The following MEIOSIN variants were observed in gnomAD, a reference collection of about 807,000 sequenced individuals.
MEIOSIN encodes meiosis initiator protein.
MEIOSIN carries 18 observed loss-of-function variants against 23.4 expected under a neutral mutation model. That is an observed-to-expected ratio of 0.77 (90% CI 0.53 to 1.14). MEIOSIN has a LOEUF of 1.14. Among genes scored for constraint, MEIOSIN ranks in the 50% most tolerant of loss-of-function variants. MEIOSIN has a pLI of 0.00. For missense variants in MEIOSIN, 428 were observed against 242.9 expected, an observed-to-expected ratio of 1.76 and a Z score of -5.07; for synonymous variants, 187 against 100.6, an observed-to-expected ratio of 1.86 and a Z score of -5.14.
At chr19:45,750,466 TCTC>T (rs1223245838) in intron 4 of MEIOSIN, among the ~76,000 whole-genome samples, 156 of 151,496 alleles carry the variant, frequency 1.0e-3, no homozygotes, top group African/African-American at 3.6e-3. Context: ...TTCAAGCAAT[TCTC>T]CTGCCTCAGC....
intron 3 of MEIOSIN, among the ~76,000 whole-genome samples, chr19:45,742,922 G>A (rs1271010248): frequency 3.3e-5 from 5 of 152,182 alleles, no homozygotes; most frequent in African/African-American, 1.2e-4. Flanking sequence ...GACTGGAGCT[G>A]ACCTGTTCCC....
intron 8 of MEIOSIN, among the ~76,000 whole-genome samples, chr19:45,756,656 T>C (rs1038704599): frequency 4.6e-5 from 7 of 152,052 alleles, no homozygotes; most frequent in Admixed American, 4.6e-4. Flanking sequence ...ACTCGTAGGC[T>C]CAAGCAATCC....
At chr19:45,756,160 C>T (rs980645337) in intron 8 of MEIOSIN, 82 bp downstream of exon 8, 2 of 675,876 alleles carry the variant, frequency 3.0e-6, no homozygotes, top group East Asian at 2.7e-5. Context: ...GAAGACAGGC[C>T]AAGTCACGTC....
At chr19:45,736,718 A>C (rs1280103760) in intron 2 of MEIOSIN, among the ~76,000 whole-genome samples, 2 of 147,654 alleles carry the variant, frequency 1.4e-5, no homozygotes. Flanking sequence ...ACAGGCGCCC[A>C]CCACCATGCC....
chr19:45,751,435 G>T (rs1041919049), intron 5 of MEIOSIN, among the ~76,000 whole-genome samples: 2 of 151,876 alleles, frequency 1.3e-5, no homozygotes, highest in South Asian at 4.2e-4. Context: ...TCTCATCCCT[G>T]CCTTCCTAGT....
In MEIOSIN at chr19:45,754,729, G is replaced by C. The variant is rs569914171; in HGVS notation, c.802+5G>C. On this transcript the variant is annotated splice_donor_5th_base_variant and intron_variant, in intron 7 of 14. Transcript: ENST00000457052. ...CCATCCACTGTGACATCTCAAGTGG[G>C]TCTCTTTCCTCACTCTGAACTTAGT... The C allele has an allele frequency of 2.8e-6, 2 of 702,934 alleles. No homozygotes were observed. The highest frequency in any genetic ancestry group is 2.7e-5 in the East Asian group (1 of 37,288). The allele number at this position is 702,934 out of a possible 1,614,324, so 43.5% of individuals were successfully genotyped here. A position where few individuals can be genotyped will look rare whatever the true frequency, so the allele number is the denominator to read the frequency against.
At chr19:45,760,924 CAA>C (rs567608929) in intron 11 of MEIOSIN, among the ~76,000 whole-genome samples, 13 of 91,172 alleles carry the variant, frequency 1.4e-4, no homozygotes, top group Admixed American at 3.1e-4. Context: ...GACTCCGTCT[CAA>C]AAAAAAAAAA....
chr19:45,747,619 G>A (rs186745807), intron 4 of MEIOSIN, among the ~76,000 whole-genome samples: 2 of 152,294 alleles, frequency 1.3e-5, no homozygotes, highest in East Asian at 3.9e-4. Context: ...AGCGTTCCAG[G>A]TGTCAGACCT....
At chr19:45,738,014 CAA>C (rs1968438112) in intron 2 of MEIOSIN, among the ~76,000 whole-genome samples, 1 of 152,060 alleles carries the variant, frequency 6.6e-6, no homozygotes, top group African/African-American at 2.4e-5. Flanking sequence ...CCTCAGCCTC[CAA>C]AAGTGCTGGG....
intron 10 of MEIOSIN, 59 bp downstream of exon 10, chr19:45,759,092 C>G: frequency 1.4e-6 from 1 of 700,186 alleles, no homozygotes; most frequent in Non-Finnish European, 2.6e-6. Flanking sequence ...GGTGCCCAGG[C>G]CTGCGCTGGG....
At chr19:45,756,505 C>A (rs960639166) in intron 8 of MEIOSIN, among the ~76,000 whole-genome samples, 3 of 152,300 alleles carry the variant, frequency 2.0e-5, no homozygotes, top group Non-Finnish European at 2.9e-5. Context: ...GCCGCCTCAA[C>A]CTTCAGGGCT....
chr19:45,755,354 T>C (rs1255675229), intron 7 of MEIOSIN, among the ~76,000 whole-genome samples: 1 of 152,142 alleles, frequency 6.6e-6, no homozygotes. Context: ...TTTGCCATAT[T>C]GACCAGGCTG....
At chr19:45,749,684 AAAAAAAAGCGCAAAAAAAAAAAAC>A (rs1211015925) in intron 4 of MEIOSIN, among the ~76,000 whole-genome samples, 1 of 147,840 alleles carries the variant, frequency 6.8e-6, no homozygotes, top group Non-Finnish European at 1.5e-5. Flanking sequence ...AAAAAAAAAA[AAAAAAAAGCGCAAAAAAAAAAAAC>A]AAAAAAAGAC....
At chr19:45,755,896 C>T in intron 7 of MEIOSIN, 74 bp from the exon 8 acceptor site, 1 of 667,116 alleles carries the variant, frequency 1.5e-6, no homozygotes, top group Non-Finnish European at 2.7e-6. Context: ...GCTGGCACCC[C>T]TTTGTCCCCT....
At chr19:45,737,903 C>T (rs1352536968) in intron 2 of MEIOSIN, among the ~76,000 whole-genome samples, 1 of 149,448 alleles carries the variant, frequency 6.7e-6, no homozygotes, top group Non-Finnish European at 1.5e-5. Flanking sequence ...GCCTGGGCAA[C>T]GAGTGAAACT....
chr19:45,749,414 G>T (rs1186102144), intron 4 of MEIOSIN, among the ~76,000 whole-genome samples: 1 of 147,106 alleles, frequency 6.8e-6, no homozygotes, highest in Admixed American at 6.9e-5. Flanking sequence ...AGTGGCTCAC[G>T]CCTGTAATCC....
chr19:45,743,315 C>T (rs1480639053), intron 3 of MEIOSIN, among the ~76,000 whole-genome samples: 1 of 152,170 alleles, frequency 6.6e-6, no homozygotes, highest in Non-Finnish European at 1.5e-5. Flanking sequence ...TTCTTCCTTG[C>T]TTCCTGAGTT....
At chr19:45,745,045 TA>T (rs1968567158) in intron 3 of MEIOSIN, 146 bp from the exon 4 acceptor site, 3 of 631,424 alleles carry the variant, frequency 4.8e-6, no homozygotes, top group Non-Finnish European at 8.5e-6. Flanking sequence ...AAGTAACAAG[TA>T]CGGGTGATGC....
At chr19:45,754,220 G>A (rs1328491545) in intron 6 of MEIOSIN, among the ~76,000 whole-genome samples, 1 of 152,112 alleles carries the variant, frequency 6.6e-6, no homozygotes, top group Non-Finnish European at 1.5e-5. Flanking sequence ...CAAGTAATCT[G>A]CCTGCCTCGG....
Sources: allele counts gnomAD v4.1 joint callset (sites outside exome capture counted in the v4.1 genomes callset), GRCh38; gene constraint gnomAD v4.1.1; transcripts MANE v1.5; gene names NCBI Gene and HGNC (gene_info 2026-07-23, HGNC 2026-07-21).